The following WFDC8 variants were observed in gnomAD, a reference collection of about 807,000 sequenced individuals.
WFDC8 encodes WAP four-disulfide core domain 8.
Under a neutral mutation model 27.0 loss-of-function variants are expected in WFDC8, and 24 were observed. The ratio of observed to expected loss-of-function variants is 0.89; its 90% CI spans 0.64 to 1.25. WFDC8 has a LOEUF of 1.25. Ranked by LOEUF, WFDC8 falls within the 50% of genes most tolerant of loss-of-function variation. The pLI is 0.00. For synonymous variants in WFDC8, 106 were observed against 99.7 expected (o/e 1.06, Z -0.38); for missense variants, 287 against 295.9 (o/e 0.97, Z 0.22).
intron 3 of WFDC8, 132 bp from the exon 4 acceptor site, chr20:45,556,000 A>G (rs1178505283): frequency 5.7e-6 from 5 of 879,322 alleles, no homozygotes; most frequent in Non-Finnish European, 8.6e-6. Context: ...GGGGAAAAAA[A>G]AAGGCATAGG....
At chr20:45,563,989 T>G (rs1410863492) in intron 1 of WFDC8, among the ~76,000 whole-genome samples, 1 of 152,240 alleles carries the variant, frequency 6.6e-6, no homozygotes, top group Non-Finnish European at 1.5e-5. Context: ...AGGAACATAG[T>G]TCTACTAAAA....
intron 4 of WFDC8, among the ~76,000 whole-genome samples, chr20:45,553,922 A>G (rs1980142315): frequency 6.6e-6 from 1 of 152,208 alleles, no homozygotes. Context: ...TTTTCAACCA[A>G]GATGAGAAGC....
intron 1 of WFDC8, chr20:45,568,589 A>G (rs1031558322): frequency 1.9e-6 from 1 of 515,484 alleles, no homozygotes; most frequent in African/African-American, 1.9e-5. Flanking sequence ...AGTCCAGCCA[A>G]TACCATAGCT....
rs73127395 is a variant in WFDC8, at chr20:45,578,344, T to C, written c.26+878A>G. Reference sequence around the variant, plus strand: ...GGAATCAACTGTATTTTTATTACTTTGGTGTACAAAGAACTTTGAGCTCTC... The same window carrying C: ...GGAATCAACTGTATTTTTATTACTTCGGTGTACAAAGAACTTTGAGCTCTC... On this transcript the variant is annotated intron_variant, in intron 1 of 5. Transcript: ENST00000289953. 7.9e-3 allele frequency among the ~76,000 whole-genome samples: 1,197 copies of C among 151,510 alleles called. 49 individuals carry two copies. Among genetic ancestry groups the C allele is most frequent in the Non-Finnish European group, 0.012 (811 of 67,692 alleles).
rs773923075 is a variant in WFDC8 at position 45,579,251 on chromosome 20, G to T, written c.-4C>A. 2 of 1,613,574 alleles carry T rather than the reference G, an allele frequency of 1.2e-6. No individual in the cohort carries two copies. The highest frequency in any genetic ancestry group is 1.7e-6 in the Non-Finnish European group (2 of 1,179,870). On this transcript the variant is annotated 5_prime_UTR_variant, in exon 1 of 6. Coordinates refer to ENST00000289953, the MANE Select transcript of WFDC8 (RefSeq NM_130896.3). ...CTTCAGTTCGGACAGTCCACATCAGGCCTCTTCCCTATGGAGACAGCTTCC... is the reference window on the plus strand; with the variant it reads ...CTTCAGTTCGGACAGTCCACATCAGTCCTCTTCCCTATGGAGACAGCTTCC...
intron 1 of WFDC8, among the ~76,000 whole-genome samples, chr20:45,572,504 C>T (rs1185988690): frequency 6.6e-6 from 1 of 151,928 alleles, no homozygotes; most frequent in Non-Finnish European, 1.5e-5. Flanking sequence ...GAGGTGATAC[C>T]TCATTGTGAT....
intron 5 of WFDC8, 81 bp downstream of exon 5, chr20:45,553,055 G>A (rs959143439): frequency 1.5e-5 from 23 of 1,518,112 alleles, no homozygotes; most frequent in Non-Finnish European, 2.0e-5. Flanking sequence ...TGAGGTTCAA[G>A]ACACCCCCCA....
chr20:45,578,345 G>A (rs1432304136), intron 1 of WFDC8, among the ~76,000 whole-genome samples: 5 of 151,262 alleles, frequency 3.3e-5, no homozygotes. Flanking sequence ...TTATTACTTT[G>A]GTGTACAAAG....
chr20:45,562,651 G>A (rs1980515187), intron 1 of WFDC8, among the ~76,000 whole-genome samples: 1 of 152,108 alleles, frequency 6.6e-6, no homozygotes, highest in African/African-American at 2.4e-5. Context: ...CAGAGGGCCT[G>A]GGCACACTCT....
intron 1 of WFDC8, among the ~76,000 whole-genome samples, chr20:45,567,680 A>G (rs902734323): frequency 1.3e-5 from 2 of 152,204 alleles, no homozygotes; most frequent in Admixed American, 6.5e-5. Flanking sequence ...CCGCCACTGA[A>G]TTTCTTATAA....
chr20:45,562,209 G>A lies in WFDC8; in HGVS notation c.37C>T (p.Leu13Phe). 1.2e-6 allele frequency: 2 copies of A among 1,614,092 alleles called. No homozygotes were observed. The highest frequency in any genetic ancestry group is 1.7e-6 in the Non-Finnish European group (2 of 1,179,956). Reference sequence around the variant, plus strand: ...CTCCAGGAGAAGGTGGGGCTATGGAGAGGAAAGTGCCTGTATGGATGAGAA... The same window carrying A: ...CTCCAGGAGAAGGTGGGGCTATGGAAAGGAAAGTGCCTGTATGGATGAGAA... The part of the protein sequence containing the change: ...TVRTEGGHFP[L>F]HSPTFSWRNV... Residue 13 changes from leucine to phenylalanine, a missense_variant, in exon 2 of 6, where the codon CTC (leucine) becomes TTC (phenylalanine). Transcript: ENST00000289953.
chr20:45,553,141 C>G lies in WFDC8; in HGVS notation c.581G>C (p.Trp194Ser). ...GGTATATCCCCAATCCTTACCTGTC[C>G]AGGCCCTGGCACAAACAAAGCCACA... ...SRCGFVCARA[W>S]TVKKGFCPRK... The change falls in exon 5 of 6, where the codon TGG (tryptophan) becomes TCG (serine). Residue 194 changes from tryptophan to serine, a missense_variant. Physicochemically the swap from Trp to Ser is radical, Grantham distance 177. Transcript: ENST00000289953. 1 of 1,612,556 alleles carries G rather than the reference C, an allele frequency of 6.2e-7. No homozygotes were observed. Among genetic ancestry groups the G allele is most frequent in the Non-Finnish European group, 8.5e-7 (1 of 1,179,334 alleles).
chr20:45,569,805 A>G (rs1324997999), intron 1 of WFDC8, among the ~76,000 whole-genome samples: 1 of 152,190 alleles, frequency 6.6e-6, no homozygotes, highest in African/African-American at 2.4e-5. Flanking sequence ...TCAATGGTAG[A>G]CTGGATAAAG....
chr20:45,577,555 C>T (rs1157849460), intron 1 of WFDC8, among the ~76,000 whole-genome samples: 3 of 149,872 alleles, frequency 2.0e-5, no homozygotes, highest in Non-Finnish European at 4.5e-5. Flanking sequence ...CCCACCACCA[C>T]GTCCTGCTAA....
chr20:45,566,393 G>T (rs1461399850), intron 1 of WFDC8, among the ~76,000 whole-genome samples: 1 of 152,066 alleles, frequency 6.6e-6, no homozygotes, highest in Non-Finnish European at 1.5e-5. Context: ...CAGGTGCAGT[G>T]GCTCATGCCT....
chr20:45,564,610 C>T (rs999203895), intron 1 of WFDC8, among the ~76,000 whole-genome samples: 2 of 150,492 alleles, frequency 1.3e-5, no homozygotes, highest in Admixed American at 1.3e-4. Flanking sequence ...GGAGGCAGAG[C>T]TTTCAGTGAG....
chr20:45,552,894 A>C (rs1431832426), intron 5 of WFDC8, among the ~76,000 whole-genome samples: 3 of 152,218 alleles, frequency 2.0e-5, no homozygotes, highest in Non-Finnish European at 4.4e-5. Flanking sequence ...CAGAAAAAAT[A>C]AGTTTTCTTG....
At chr20:45,553,406 A>G (rs1426857689) in intron 4 of WFDC8, 130 bp from the exon 5 acceptor site, 5 of 1,152,910 alleles carry the variant, frequency 4.3e-6, no homozygotes, top group East Asian at 2.6e-5. Flanking sequence ...ATCCATCTCC[A>G]GTAGGCTGTG....
At chr20:45,561,911 G>A (rs1980485489) in intron 2 of WFDC8, among the ~76,000 whole-genome samples, 199 bp downstream of exon 2, 1 of 152,072 alleles carries the variant, frequency 6.6e-6, no homozygotes, top group African/African-American at 2.4e-5. Flanking sequence ...TAAAAATATG[G>A]AAAAGTTAGG....
Sources: gnomAD v4.1 joint callset for allele counts (sites outside exome capture counted in the v4.1 genomes callset) on GRCh38, gnomAD v4.1.1 for gene constraint, MANE v1.5 for transcripts, NCBI Gene and HGNC (gene_info 2026-07-23, HGNC 2026-07-21) for gene names.